Variants in ZC3H12B observed in about 807,000 individuals in gnomAD.
ZC3H12B encodes the protein probable ribonuclease ZC3H12B.
ZC3H12B carries 7 observed loss-of-function variants against 43.9 expected under a neutral mutation model. The ratio of observed to expected loss-of-function variants is 0.16; its 90% CI spans 0.09 to 0.30. The LOEUF (loss-of-function observed/expected upper bound fraction) is 0.30, where lower values mean the gene tolerates loss of function less well. ZC3H12B is among the 10% of genes least tolerant of loss of function. ZC3H12B has a pLI of 1.00. For missense variants in ZC3H12B, 475 were observed against 670.2 expected, an observed-to-expected ratio of 0.71 and a Z score of 3.22; for synonymous variants, 222 against 241.7, an observed-to-expected ratio of 0.92 and a Z score of 0.76.
the ZC3H12B span, among the ~76,000 whole-genome samples, chrX:65,279,380 C>G: frequency 9.9e-6 from 1 of 100,911 alleles, no homozygotes; most frequent in South Asian, 4.5e-4. Context: ...ATTTGCATTT[C>G]TCTCATAATT....
At chrX:65,207,673 T>G in the ZC3H12B span, among the ~76,000 whole-genome samples, 1 of 100,196 alleles carries the variant, frequency 1.0e-5, no homozygotes, top group East Asian at 3.2e-4. Context: ...CTTTTTTGGT[T>G]CCATATGAAC....
At chrX:65,484,617 A>T (rs1569422906), upstream of ZC3H12B, among the ~76,000 whole-genome samples, 1 of 112,574 alleles carries the variant, frequency 8.9e-6, no homozygotes, top group Non-Finnish European at 1.9e-5. Flanking sequence ...ACATGCATTT[A>T]CCAAACACAA....
At chrX:65,114,824 C>CAGATT in the ZC3H12B span, among the ~76,000 whole-genome samples, 18 of 106,806 alleles carry the variant, frequency 1.7e-4, no homozygotes, top group East Asian at 5.3e-3. Flanking sequence ...GGTGGGAGCT[C>CAGATT]AGATTATGAA....
At chrX:65,047,125 A>G in the ZC3H12B span, among the ~76,000 whole-genome samples, 2 of 111,623 alleles carry the variant, frequency 1.8e-5, no homozygotes, top group African/African-American at 3.2e-5. Flanking sequence ...ACATGAAGTG[A>G]GCACATGCTT....
At chrX:65,154,569 T>G in the ZC3H12B span, among the ~76,000 whole-genome samples, 17 of 111,107 alleles carry the variant, frequency 1.5e-4, no homozygotes, top group Non-Finnish European at 5.6e-5. Context: ...ATGTGAACAC[T>G]TTTAAGATTT....
the ZC3H12B span, among the ~76,000 whole-genome samples, chrX:65,254,319 C>T: frequency 0.14 from 15,996 of 111,950 alleles, 2,739 homozygotes; most frequent in African/African-American, 0.49. Context: ...CTGTTGTGGC[C>T]AGTGGTCTGG....
the ZC3H12B span, among the ~76,000 whole-genome samples, chrX:65,282,844 A>G: frequency 8.9e-6 from 1 of 111,814 alleles, no homozygotes; most frequent in Admixed American, 9.5e-5. Context: ...GCCTGCCAAC[A>G]AAAACAAGTC....
At chrX:65,381,374 A>G (rs2066437271) in intron 2 of ZC3H12B, among the ~76,000 whole-genome samples, 1 of 112,025 alleles carries the variant, frequency 8.9e-6, no homozygotes. Flanking sequence ...AACGAAATGA[A>G]GGCAGAAATA....
intron 3 of ZC3H12B, among the ~76,000 whole-genome samples, chrX:65,406,684 T>C (rs1275736582): frequency 1.8e-5 from 2 of 109,635 alleles, no homozygotes; most frequent in Non-Finnish European, 3.8e-5. Flanking sequence ...CGTGTTAGTG[T>C]AACCCACGCC....
At chrX:65,386,076 T>C (rs2066520544) in intron 2 of ZC3H12B, among the ~76,000 whole-genome samples, 1 of 112,283 alleles carries the variant, frequency 8.9e-6, no homozygotes, top group Admixed American at 9.4e-5. Context: ...TGTGCATTGA[T>C]ATTCATCAGG....
chrX:65,326,730 A>T, the ZC3H12B span, among the ~76,000 whole-genome samples: 1 of 111,620 alleles, frequency 9.0e-6, no homozygotes, highest in African/African-American at 3.2e-5. Context: ...CACTGATTAC[A>T]TCTTTACAAA....
the ZC3H12B span, among the ~76,000 whole-genome samples, chrX:65,322,746 A>C: frequency 9.0e-6 from 1 of 111,511 alleles, no homozygotes; most frequent in Non-Finnish European, 1.9e-5. Context: ...TTCCACGCAA[A>C]GTTTAGAATT....
At chrX:65,056,641 T>C in the ZC3H12B span, among the ~76,000 whole-genome samples, 2 of 111,462 alleles carry the variant, frequency 1.8e-5, no homozygotes, top group South Asian at 7.7e-4. Context: ...TTCCCGGATA[T>C]CGTTGTTAAC....
chrX:65,428,000 TA>T (rs1211440813), intron 3 of ZC3H12B, among the ~76,000 whole-genome samples: 1 of 111,879 alleles, frequency 8.9e-6, no homozygotes, highest in Non-Finnish European at 1.9e-5. Flanking sequence ...TAAAGGATCT[TA>T]TGTCTTCTTT....
At chrX:65,102,038 G>A in the ZC3H12B span, among the ~76,000 whole-genome samples, 5 of 111,681 alleles carry the variant, frequency 4.5e-5, no homozygotes, top group South Asian at 3.7e-4. Flanking sequence ...TATTCACTAC[G>A]GTCAAGTTGG....
At chrX:65,224,879 A>G in the ZC3H12B span, among the ~76,000 whole-genome samples, 1 of 112,090 alleles carries the variant, frequency 8.9e-6, no homozygotes, top group Non-Finnish European at 1.9e-5. Flanking sequence ...GGGAAGCTCA[A>G]ACTGGGTGGA....
chrX:65,160,292 G>T, the ZC3H12B span, among the ~76,000 whole-genome samples: 2 of 111,776 alleles, frequency 1.8e-5, no homozygotes, highest in African/African-American at 3.3e-5. Context: ...GAGTTAGGGA[G>T]GATTCCTTCT....
chrX:65,292,947 G>A, the ZC3H12B span, among the ~76,000 whole-genome samples: 61 of 112,112 alleles, frequency 5.4e-4, no homozygotes, highest in Non-Finnish European at 9.4e-4. Flanking sequence ...CTGTGCCACT[G>A]CACTCAAGCA....
chrX:65,204,705 G>T, the ZC3H12B span, among the ~76,000 whole-genome samples: 6 of 111,734 alleles, frequency 5.4e-5, no homozygotes, highest in Non-Finnish European at 1.1e-4. Context: ...TGGTTATAAA[G>T]GTAGCTCGAT....
Sources: gnomAD v4.1 joint callset for allele counts (sites outside exome capture counted in the v4.1 genomes callset) on GRCh38, gnomAD v4.1.1 for gene constraint, MANE v1.5 for transcripts, NCBI Gene and HGNC (gene_info 2026-07-23, HGNC 2026-07-21) for gene names.